Variants in DOCK7 observed in about 807,000 individuals in gnomAD.
DOCK7 encodes dedicator of cytokinesis protein 7.
Under a neutral mutation model 271.0 loss-of-function variants are expected in DOCK7, and 138 were observed. The observed-to-expected ratio is 0.51, with a 90% CI of 0.44 to 0.59. The LOEUF is 0.59. Among genes scored for constraint, DOCK7 ranks in the 20% least tolerant of loss-of-function variants. DOCK7 has a pLI of 0.00. For synonymous variants in DOCK7, 823 were observed against 876.1 expected (o/e 0.94, Z 1.07); for missense variants, 2,066 against 2,592.4 (o/e 0.80, Z 4.41).
chr1:62,552,658 A>G, intron 22 of DOCK7, 74 bp downstream of exon 22: 2 of 1,427,496 alleles, frequency 1.4e-6, no homozygotes, highest in Non-Finnish European at 1.9e-6. Flanking sequence ...TTCAGAATAC[A>G]TTACAACAAC....
chr1:62,503,190 T>C (rs889367061), intron 37 of DOCK7, among the ~76,000 whole-genome samples: 10 of 151,464 alleles, frequency 6.6e-5, no homozygotes, highest in African/African-American at 2.2e-4. Context: ...AATTTACTTC[T>C]ACCAAGTGAA....
At chr1:62,543,803 T>C in intron 23 of DOCK7, 58 bp from the exon 24 acceptor site, 7 of 1,208,114 alleles carry the variant, frequency 5.8e-6, no homozygotes, top group Non-Finnish European at 7.2e-6. Flanking sequence ...GTGGATGACT[T>C]TGCAGCTGAT....
chr1:62,645,916 G>C (rs1438342011), intron 7 of DOCK7, among the ~76,000 whole-genome samples: 1 of 152,122 alleles, frequency 6.6e-6, no homozygotes, highest in Non-Finnish European at 1.5e-5. Flanking sequence ...GGGAGGCTGA[G>C]GCAGGCAGAA....
intron 31 of DOCK7, among the ~76,000 whole-genome samples, chr1:62,517,766 A>G (rs1385200665): frequency 6.6e-6 from 1 of 152,220 alleles, no homozygotes; most frequent in Non-Finnish European, 1.5e-5. Context: ...GAAGGAATAT[A>G]TATTGCTAGA....
chr1:62,645,079 G>A (rs1656485562), intron 7 of DOCK7, among the ~76,000 whole-genome samples: 1 of 152,090 alleles, frequency 6.6e-6, no homozygotes, highest in Non-Finnish European at 1.5e-5. Context: ...GGAGAAATTA[G>A]AATCATCCTA....
chr1:62,594,653 T>TAC (rs1338369827), intron 14 of DOCK7, among the ~76,000 whole-genome samples: 2 of 152,158 alleles, frequency 1.3e-5, no homozygotes, highest in African/African-American at 2.4e-5. Flanking sequence ...CTACTACGTA[T>TAC]ACATTCTGCA....
Position 62,628,917 on chromosome 1 carries a change from G to A in DOCK7, c.1282+2323C>T, listed in dbSNP as rs538150959. On this transcript the variant is annotated intron_variant, in intron 11 of 49. Coordinates refer to ENST00000635253, the MANE Select transcript of DOCK7 (RefSeq NM_001367561.1). The stretch of plus-strand genomic sequence containing the variant: ...AAAAAGACCAAAGCCATTAAAAAAT[G>A]AGCAAAGGTTAAAAATACCTATTAC... The A allele has an allele frequency of 2.6e-5, 4 of 152,138 alleles. No individual in the cohort carries two copies. In the South Asian group the frequency reaches 6.2e-4, roughly 24 times the overall value. The allele number at this position is 152,138 out of a possible 1,614,324, so 9.4% of individuals were successfully genotyped here.
intron 48 of DOCK7, among the ~76,000 whole-genome samples, chr1:62,471,553 C>T (rs1190235140): frequency 5.3e-5 from 8 of 152,158 alleles, no homozygotes; most frequent in Admixed American, 3.3e-4. Flanking sequence ...CACCATAAGG[C>T]TGAGACAGGA....
At position 62,688,228 on chromosome 1, in the gene DOCK7, T is replaced by A; in HGVS notation, c.37A>T (p.Arg13Ter). 7.3e-7 allele frequency: 1 copy of A among 1,376,642 alleles called. No homozygotes were observed. The allele number at this position is 1,376,642 out of a possible 1,614,324, so 85.3% of individuals were successfully genotyped here. ...ERRAFAQKISRTVAAEVRKQI... is the reference protein window; with the variant it reads ...ERRAFAQKIS Reference sequence around the variant, plus strand: ...GCGCGCCCCACGCCGGATATTTACCTGCTGATCTTCTGGGCGAAGGCGCGG... The same window carrying A: ...GCGCGCCCCACGCCGGATATTTACCAGCTGATCTTCTGGGCGAAGGCGCGG... Residue 13 changes from arginine (R) to a stop codon, truncating the protein, a stop_gained and splice_region_variant, in exon 1 of 50, where the codon AGA becomes TGA. Transcript: ENST00000635253. LOFTEE classifies it high-confidence loss of function.
At chr1:62,547,413 AG>A (rs1250730795) in intron 22 of DOCK7, among the ~76,000 whole-genome samples, 3 of 152,164 alleles carry the variant, frequency 2.0e-5, no homozygotes, top group Admixed American at 6.5e-5. Context: ...TGTAAGTGTG[AG>A]GTTTTTTTTG....
At chr1:62,514,360 C>T (rs1385826655) in intron 31 of DOCK7, among the ~76,000 whole-genome samples, 1 of 151,852 alleles carries the variant, frequency 6.6e-6, no homozygotes, top group Non-Finnish European at 1.5e-5. Flanking sequence ...AATCAAGCAC[C>T]ACTGATACAA....
chr1:62,612,693 A>G (rs139858010), intron 14 of DOCK7, among the ~76,000 whole-genome samples: 69 of 152,358 alleles, frequency 4.5e-4, no homozygotes, highest in Middle Eastern at 3.4e-3. Flanking sequence ...AAATAGATTT[A>G]CTAAAATTTA....
rs1357033668 is a variant in DOCK7, at chr1:62,492,809, T to C, written c.5256A>G (p.Ser1752=). ...SSNVLEESAV[S]DDVVSPDEEG... ...CTTCATCTGGAGATACCACATCATC[T>C]GAGACCGCAGATTCTTCTAAAACAT... is the stretch of plus-strand genomic sequence containing the variant. The change falls in exon 41 of 50, where the codon TCA becomes TCG. Residue 1752 remains serine (S), a synonymous_variant. Coordinates refer to ENST00000635253, the MANE Select transcript of DOCK7 (RefSeq NM_001367561.1). 2 of 1,613,940 alleles carry C rather than the reference T, an allele frequency of 1.2e-6. No individual in the cohort carries two copies. The highest frequency in any genetic ancestry group is 1.7e-6 in the Non-Finnish European group (2 of 1,179,894).
chr1:62,459,588 A>G (rs1194069807), intron 48 of DOCK7, among the ~76,000 whole-genome samples: 1 of 152,196 alleles, frequency 6.6e-6, no homozygotes, highest in African/African-American at 2.4e-5. Context: ...TTAATAGATT[A>G]ATGTAGATTT....
chr1:62,583,644 CTA>C (rs1457455423), intron 15 of DOCK7, among the ~76,000 whole-genome samples: 8 of 152,082 alleles, frequency 5.3e-5, no homozygotes, highest in African/African-American at 1.4e-4. Context: ...GGCTTCAACA[CTA>C]AAACAGCAGA....
intron 49 of DOCK7, 66 bp downstream of exon 49, chr1:62,457,470 CTT>C: frequency 2.7e-6 from 4 of 1,471,108 alleles, no homozygotes; most frequent in Non-Finnish European, 3.7e-6. Context: ...TGTAAAAAGA[CTT>C]CTACTAGTTT....
intron 22 of DOCK7, among the ~76,000 whole-genome samples, chr1:62,546,294 AAAAG>A (rs1645705370): frequency 1.3e-5 from 2 of 152,166 alleles, no homozygotes; most frequent in Admixed American, 1.3e-4. Flanking sequence ...TTTTAAAAAG[AAAAG>A]AAAGAAAAAC....
At chr1:62,484,746 T>C (rs1646243467) in intron 43 of DOCK7, 1 of 152,170 alleles carries the variant, frequency 6.6e-6, no homozygotes, top group Non-Finnish European at 1.5e-5. Flanking sequence ...TATACATACA[T>C]AACATAGAAA....
intron 8 of DOCK7, 25 bp from the exon 9 acceptor site, chr1:62,634,947 T>C (rs1177381150): frequency 2.0e-6 from 3 of 1,514,368 alleles, no homozygotes; most frequent in Non-Finnish European, 2.7e-6. Flanking sequence ...TATGTTAAAC[T>C]TTAAAATATG....
Sources: gnomAD v4.1 joint callset for allele counts (sites outside exome capture counted in the v4.1 genomes callset) on GRCh38, gnomAD v4.1.1 for gene constraint, MANE v1.5 for transcripts, NCBI Gene and HGNC (gene_info 2026-07-23, HGNC 2026-07-21) for gene names.